PIAS4: variants seen among roughly 807,000 people sequenced by gnomAD.
PIAS4 encodes the protein E3 SUMO-protein ligase PIAS4.
In PIAS4, 7 loss-of-function variants were observed where a neutral mutation model predicts 58.0. The observed-to-expected ratio is 0.12, with a 90% CI of 0.07 to 0.23. The LOEUF (loss-of-function observed/expected upper bound fraction) is 0.23, where lower values mean the gene tolerates loss of function less well. PIAS4 is among the 10% of genes least tolerant of loss of function. The pLI, the probability that PIAS4 is intolerant of heterozygous loss-of-function variation, is 1.00. For missense variants in PIAS4, 550 were observed against 709.5 expected (o/e 0.78, Z 2.55); for synonymous variants, 364 against 312.4 (o/e 1.17, Z -1.74).
At chr19:4,031,596 C>G (rs1211213612) in intron 7 of PIAS4, among the ~76,000 whole-genome samples, 1 of 152,062 alleles carries the variant, frequency 6.6e-6, no homozygotes, top group Non-Finnish European at 1.5e-5. Context: ...AGGCTGGGGC[C>G]GGGCAGGCCT....
chr19:4,022,795 C>T (rs184584997), intron 2 of PIAS4, among the ~76,000 whole-genome samples: 1 of 151,962 alleles, frequency 6.6e-6, no homozygotes, highest in Non-Finnish European at 1.5e-5. Context: ...GCCTCAGCCT[C>T]CCAAGTAGCT....
intron 1 of PIAS4, among the ~76,000 whole-genome samples, chr19:4,009,648 C>T (rs2039974832): frequency 1.3e-5 from 2 of 152,108 alleles, no homozygotes; most frequent in African/African-American, 2.4e-5. Flanking sequence ...GGCCTGGACC[C>T]TGGGGAACCT....
chr19:4,026,737 C>T (rs1268018947), intron 3 of PIAS4, among the ~76,000 whole-genome samples: 1 of 152,222 alleles, frequency 6.6e-6, no homozygotes, highest in African/African-American at 2.4e-5. Context: ...GGCTGGAGTG[C>T]AGTGTCGCGA....
At chr19:4,030,336 CCGGCAAGGCGCAG>C (rs1241977959) in intron 7 of PIAS4, among the ~76,000 whole-genome samples, 2,707 of 150,586 alleles carry the variant, frequency 0.018, 4 homozygotes, top group Middle Eastern at 0.034. Flanking sequence ...AGAAAGCCTG[CCGGCAAGGCGCAG>C]TGGCTCACAC....
intron 3 of PIAS4, among the ~76,000 whole-genome samples, chr19:4,024,929 C>T (rs183559088): frequency 3.3e-5 from 5 of 152,268 alleles, no homozygotes; most frequent in African/African-American, 1.2e-4. Context: ...CCACGCCCGG[C>T]TAATCTTGTA....
rs1468113845 is a variant in PIAS4, at chr19:4,036,631, CTAT to C, written c.1143-742_1143-740del. On this transcript the variant is annotated intron_variant, in intron 9 of 10. Transcript: ENST00000262971. ...CTATACAGTCCACACCGTCTCACAT[CTAT>C]ACAGTCCACACTGTCATACACACAC... Among the ~76,000 whole-genome samples the C allele has an allele frequency of 1.0e-3, 140 of 135,182 alleles. 18 individuals are homozygous for C. Among genetic ancestry groups the C allele is most frequent in the African/African-American group, 4.4e-3 (134 of 30,478 alleles). The allele number at this position is 135,182 out of a possible 152,430, so 88.7% of individuals were successfully genotyped here.
chr19:4,036,600 ACACATCTATACAGTCCACACCGTCT>A (rs1379181372), intron 9 of PIAS4, among the ~76,000 whole-genome samples: 2 of 147,198 alleles, frequency 1.4e-5, no homozygotes, highest in Non-Finnish European at 3.0e-5. Flanking sequence ...TCATACACAC[ACACATCTATACAGTCCACACCGTCT>A]CACATCTATA....
Position 4,013,394 on chromosome 19 carries a change from G to C in PIAS4, c.454+45G>C. ...AGGCTGCGACTGGAGGCTTCACCTA[G>C]GCCCCGTCGCCCAGCCCAGCCCAGC... On this transcript the variant is annotated intron_variant, in intron 2 of 10. Transcript: ENST00000262971. The surrounding 1 kb of genome is among the most constrained non-coding windows in gnomAD (Gnocchi z 5.1). 1 of 1,537,754 alleles carries C rather than the reference G, an allele frequency of 6.5e-7. No individual in the cohort carries two copies. The highest frequency in any genetic ancestry group is 8.9e-7 in the Non-Finnish European group (1 of 1,125,374).
At chr19:4,026,836 C>G (rs1444296903) in intron 3 of PIAS4, among the ~76,000 whole-genome samples, 1 of 152,056 alleles carries the variant, frequency 6.6e-6, no homozygotes, top group Admixed American at 6.6e-5. Flanking sequence ...GCGTGCACCA[C>G]CACACTCAGC....
intron 2 of PIAS4, among the ~76,000 whole-genome samples, chr19:4,014,213 G>T (rs904508766): frequency 1.1e-4 from 17 of 152,170 alleles, no homozygotes; most frequent in African/African-American, 4.1e-4. Flanking sequence ...TCTCTCTCTC[G>T]TGTCTTTGTC....
chr19:4,033,349 G>A, intron 8 of PIAS4, 71 bp from the exon 9 acceptor site: 1 of 1,435,196 alleles, frequency 7.0e-7, no homozygotes. Context: ...GGATGGAGCT[G>A]GGGGTGAGGG....
At position 4,019,975 on chromosome 19, in the gene PIAS4, G is replaced by A. The variant is rs868535938; in HGVS notation, c.455-4061G>A. On this transcript the variant is annotated intron_variant, in intron 2 of 10. Coordinates refer to ENST00000262971, the MANE Select transcript of PIAS4 (RefSeq NM_015897.4). ...GCTGTCGCCCGGGCTGGAGTGCAGC[G>A]GCAGGATCTCAGCTCACTGCAAGCT... Among the ~76,000 whole-genome samples the A allele has an allele frequency of 4.0e-5, 6 of 151,428 alleles. No homozygotes were observed. In the South Asian group the frequency reaches 6.3e-4, roughly 16 times the overall value.
intron 1 of PIAS4, among the ~76,000 whole-genome samples, chr19:4,011,437 T>G (rs35509923): frequency 0.2 from 30,258 of 152,218 alleles, 4,228 homozygotes; most frequent in African/African-American, 0.4. Flanking sequence ...CCACTGCCAG[T>G]CTACCCCACC....
chr19:4,033,634 C>G, intron 9 of PIAS4, 54 bp downstream of exon 9: 2 of 1,454,664 alleles, frequency 1.4e-6, no homozygotes, highest in Non-Finnish European at 9.3e-7. Flanking sequence ...GTGGAGGTCT[C>G]GGTGGCACCC....
At chr19:4,022,236 C>G (rs890587195) in intron 2 of PIAS4, among the ~76,000 whole-genome samples, 3 of 152,210 alleles carry the variant, frequency 2.0e-5, no homozygotes, top group South Asian at 2.1e-4. Flanking sequence ...CCTATTGAAC[C>G]GAAAAGCTGT....
intron 4 of PIAS4, 29 bp from the exon 5 acceptor site, chr19:4,028,481 C>A (rs995185914): frequency 2.6e-6 from 4 of 1,567,566 alleles, no homozygotes; most frequent in African/African-American, 2.7e-5. Context: ...CGCCCCCTCC[C>A]CGCCCCATGG....
In PIAS4 at chr19:4,033,588, CG is replaced by C; in HGVS notation, c.1142+12del. The C allele has an allele frequency of 6.3e-7, 1 of 1,592,244 alleles. No individual in the cohort carries two copies. ...CCAGCTCATCATCGACGGGTGAGCCCGGGGCCCCGGGGAGGGCGGCCGGAGC... is the reference window on the plus strand; with the variant it reads ...CCAGCTCATCATCGACGGGTGAGCCCGGGCCCCGGGGAGGGCGGCCGGAGC... On this transcript the variant is annotated intron_variant, in intron 9 of 10. Coordinates refer to ENST00000262971, the MANE Select transcript of PIAS4 (RefSeq NM_015897.4).
At chr19:4,010,906 T>G (rs1439635590) in intron 1 of PIAS4, among the ~76,000 whole-genome samples, 1 of 152,246 alleles carries the variant, frequency 6.6e-6, no homozygotes, top group African/African-American at 2.4e-5. Flanking sequence ...CCTGCACGTG[T>G]GTCCCTGTCA....
Position 4,037,660 on chromosome 19 carries a change from G to T in PIAS4, c.1318G>T (p.Gly440Trp). The part of the protein sequence containing the change: ...NGLLPAPSVN[G>W]SGALGSTGGG... ...GCTCCTGCCCGCCCCCAGCGTCAACGGGAGCGGTGCCCTGGGCAGCACGGG... is the reference window on the plus strand; with the variant it reads ...GCTCCTGCCCGCCCCCAGCGTCAACTGGAGCGGTGCCCTGGGCAGCACGGG... The change falls in exon 11 of 11, where the codon GGG (glycine) becomes TGG (tryptophan). Residue 440 changes from glycine (G) to tryptophan (W), a missense_variant. This residue lies in a region of PIAS4 where 188 missense variants were observed against 192.0 expected (regional missense o/e 0.98). Coordinates refer to ENST00000262971, the MANE Select transcript of PIAS4 (RefSeq NM_015897.4). This position sits in a 1 kb window ranked among gnomAD's most constrained non-coding sequence, Gnocchi z 5.8. The T allele has an allele frequency of 6.2e-7, 1 of 1,612,024 alleles. No individual in the cohort carries two copies. The highest frequency in any genetic ancestry group is 8.5e-7 in the Non-Finnish European group (1 of 1,179,762).
Sources: allele counts gnomAD v4.1 joint callset (sites outside exome capture counted in the v4.1 genomes callset), GRCh38; gene constraint gnomAD v4.1.1; regional missense constraint gnomAD v4.1.1; non-coding constraint Gnocchi (gnomAD v3.1); transcripts MANE v1.5; gene names NCBI Gene and HGNC (gene_info 2026-07-23, HGNC 2026-07-21).